Variants in FGF1 observed in about 807,000 individuals in gnomAD.
FGF1 encodes beta-endothelial cell growth factor.
Under a neutral mutation model 13.4 loss-of-function variants are expected in FGF1, and 9 were observed. The observed-to-expected ratio is 0.67, with a 90% CI of 0.40 to 1.17. The LOEUF is 1.17. Among genes scored for constraint, FGF1 ranks in the 50% most tolerant of loss-of-function variants. The probability of loss-of-function intolerance (pLI) is 0.01; values close to 1 mark genes in which losing one functional copy is unlikely to be tolerated. For synonymous variants in FGF1, 93 were observed against 79.0 expected, an observed-to-expected ratio of 1.18 and a Z score of -0.94; for missense variants, 156 against 192.7, an observed-to-expected ratio of 0.81 and a Z score of 1.13.
intron 1 of FGF1, among the ~76,000 whole-genome samples, chr5:142,635,755 A>G (rs1764143008): frequency 6.6e-6 from 1 of 152,196 alleles, no homozygotes; most frequent in Non-Finnish European, 1.5e-5. Flanking sequence ...TGGCACCCAC[A>G]TGTTCAACAA....
intron 1 of FGF1, among the ~76,000 whole-genome samples, chr5:142,619,302 C>T (rs1361752330): frequency 1.3e-5 from 2 of 152,112 alleles, no homozygotes; most frequent in Admixed American, 6.5e-5. Context: ...GGATATTTTG[C>T]AGAGTATATA....
At chr5:142,683,033 T>C (rs527650978) in intron 1 of FGF1, among the ~76,000 whole-genome samples, 1 of 152,350 alleles carries the variant, frequency 6.6e-6, no homozygotes, top group African/African-American at 2.4e-5. Context: ...GACGCCTTGC[T>C]GGTACTTGAA....
intron 1 of FGF1, among the ~76,000 whole-genome samples, chr5:142,630,342 A>T (rs892085857): frequency 1.3e-5 from 2 of 152,012 alleles, no homozygotes; most frequent in Admixed American, 1.3e-4. Flanking sequence ...TTATCACGTT[A>T]AGTACTTATT....
At position 142,600,937 on chromosome 5, in the gene FGF1, A is replaced by G. The variant is rs1009402431; in HGVS notation, c.170-132T>C. ...CGGAGCCCTCAGGGATGAGCCTCAG[A>G]TTAATCAAAACATAGAAATACAGTC... On this transcript the variant is annotated intron_variant, in intron 2 of 3. Coordinates refer to ENST00000337706, the MANE Select transcript of FGF1 (RefSeq NM_000800.5). The G allele has an allele frequency of 2.6e-5, 17 of 656,900 alleles. No individual in the cohort carries two copies. In the African/African-American group the frequency reaches 3.0e-4, roughly 12 times the overall value. The allele number at this position is 656,900 out of a possible 1,614,324, so 40.7% of individuals were successfully genotyped here. A position where few individuals can be genotyped will look rare whatever the true frequency, so the allele number is the denominator to read the frequency against.
At chr5:142,638,034 G>A (rs1764577058) in intron 1 of FGF1, among the ~76,000 whole-genome samples, 1 of 151,970 alleles carries the variant, frequency 6.6e-6, no homozygotes, top group Non-Finnish European at 1.5e-5. Context: ...TGTTCTGGCT[G>A]CATCCTCAGA....
chr5:142,684,358 C>A (rs2152058093), intron 1 of FGF1, among the ~76,000 whole-genome samples: 1 of 152,304 alleles, frequency 6.6e-6, no homozygotes, highest in South Asian at 2.1e-4. Flanking sequence ...CAGAACTAGT[C>A]AAGTCATATG....
At chr5:142,652,031 T>G (rs1230564122) in intron 1 of FGF1, among the ~76,000 whole-genome samples, 1 of 152,120 alleles carries the variant, frequency 6.6e-6, no homozygotes, top group Non-Finnish European at 1.5e-5. Flanking sequence ...CCTCACATAG[T>G]CCTTTCTGAA....
At chr5:142,596,071 C>G (rs561628178) in intron 3 of FGF1, among the ~76,000 whole-genome samples, 23 of 152,342 alleles carry the variant, frequency 1.5e-4, no homozygotes, top group African/African-American at 4.6e-4. Context: ...TGAAGATATG[C>G]TTGTGCAAAA....
At chr5:142,658,627 C>T (rs1489770092) in intron 1 of FGF1, among the ~76,000 whole-genome samples, 1 of 152,198 alleles carries the variant, frequency 6.6e-6, no homozygotes, top group Non-Finnish European at 1.5e-5. Context: ...CACGCACACA[C>T]TCACGAGTTA....
chr5:142,640,720 T>A (rs1765063012), intron 1 of FGF1, among the ~76,000 whole-genome samples: 1 of 152,022 alleles, frequency 6.6e-6, no homozygotes, highest in South Asian at 2.1e-4. Flanking sequence ...GCTGCCTCCA[T>A]CTGAACCTGT....
chr5:142,596,178 T>C (rs1048871973), intron 3 of FGF1, among the ~76,000 whole-genome samples: 4 of 152,266 alleles, frequency 2.6e-5, no homozygotes, highest in African/African-American at 9.6e-5. Context: ...TATAAATAGA[T>C]GCTACTTGTG....
chr5:142,684,806 G>A (rs1336422838), intron 1 of FGF1, among the ~76,000 whole-genome samples: 1 of 152,186 alleles, frequency 6.6e-6, no homozygotes, highest in Non-Finnish European at 1.5e-5. Flanking sequence ...GCTGGTGGAG[G>A]GGCAGCCTGG....
rs894935389 is a variant in FGF1 at position 142,594,238 on chromosome 5, A to C, written c.*1052T>G. On this transcript the variant is annotated 3_prime_UTR_variant, in exon 4 of 4. Transcript: ENST00000337706. ...CGGGTAAGGCAGCAGTATTGTCAGC[A>C]CCTGCACCTGGGGGGGACCTGATGG... 6.6e-6 allele frequency: 1 copy of C among 152,106 alleles called. No individual in the cohort carries two copies. Among genetic ancestry groups the C allele is most frequent in the Admixed American group, 6.5e-5 (1 of 15,268 alleles). The allele number at this position is 152,106 out of a possible 1,614,324, so 9.4% of individuals were successfully genotyped here.
chr5:142,613,938 G>T (rs113725652), intron 2 of FGF1, 21 bp downstream of exon 2: 20 of 1,610,038 alleles, frequency 1.2e-5, no homozygotes, highest in East Asian at 2.2e-5. Flanking sequence ...GGGAAGGGGG[G>T]TGCCATAGAG....
At chr5:142,662,769 T>C (rs1769499898) in intron 1 of FGF1, among the ~76,000 whole-genome samples, 1 of 152,220 alleles carries the variant, frequency 6.6e-6, no homozygotes, top group East Asian at 1.9e-4. Flanking sequence ...TTTCATACTT[T>C]GATTAAATAC....
chr5:142,653,609 G>A (rs898421071), intron 1 of FGF1, among the ~76,000 whole-genome samples: 6 of 152,142 alleles, frequency 3.9e-5, no homozygotes, highest in Non-Finnish European at 7.3e-5. Flanking sequence ...CCCCTACAGC[G>A]AATTAACCCT....
At chr5:142,697,913 C>T (rs910162683) in exon 1 of FGF1, 1 of 147,888 alleles carries the variant, frequency 6.8e-6, no homozygotes, top group African/African-American at 2.6e-5. Flanking sequence ...ACCCACCCAC[C>T]TGTTAGTAGG....
At chr5:142,625,349 CACGT>C (rs1762286469) in intron 1 of FGF1, among the ~76,000 whole-genome samples, 1 of 145,974 alleles carries the variant, frequency 6.9e-6, no homozygotes, top group Non-Finnish European at 1.5e-5. Context: ...CACACACACA[CACGT>C]GTCCTGTAGT....
At chr5:142,673,634 T>C (rs561520959) in intron 1 of FGF1, among the ~76,000 whole-genome samples, 37 of 152,288 alleles carry the variant, frequency 2.4e-4, no homozygotes, top group South Asian at 1.9e-3. Context: ...CCTGACTCTT[T>C]TGTGGTCCTG....
Sources: gnomAD v4.1 joint callset for allele counts (sites outside exome capture counted in the v4.1 genomes callset) on GRCh38, gnomAD v4.1.1 for gene constraint, MANE v1.5 for transcripts, NCBI Gene and HGNC (gene_info 2026-07-23, HGNC 2026-07-21) for gene names.